HIVEP3: variants seen among roughly 807,000 people sequenced by gnomAD.
The protein encoded by HIVEP3 is transcription factor HIVEP3.
A neutral mutation model predicts 152.8 loss-of-function variants in HIVEP3; 49 were observed. That is an observed-to-expected ratio of 0.32 (90% confidence interval 0.26 to 0.41). The LOEUF is 0.41. Among genes scored for constraint, HIVEP3 ranks in the 10% least tolerant of loss-of-function variants. The pLI is 1.00. For missense variants in HIVEP3, 2,790 were observed against 3,103.3 expected (o/e 0.90, Z 2.40); for synonymous variants, 1,269 against 1,289.0 (o/e 0.98, Z 0.33).
intron 2 of HIVEP3, among the ~76,000 whole-genome samples, chr1:41,648,540 C>T (rs1350014190): frequency 2.0e-5 from 3 of 152,232 alleles, no homozygotes; most frequent in Non-Finnish European, 2.9e-5. Context: ...AAATGCTAAA[C>T]GAAATGTGTC....
chr1:41,914,715 GCCA>G (rs1486504274), intron 1 of HIVEP3, among the ~76,000 whole-genome samples: 1 of 152,136 alleles, frequency 6.6e-6, no homozygotes, highest in East Asian at 1.9e-4. Context: ...TAAGGGTGTG[GCCA>G]TGACAGCTTG....
At chr1:41,718,774 C>A (rs1199888768) in intron 1 of HIVEP3, among the ~76,000 whole-genome samples, 2 of 148,444 alleles carry the variant, frequency 1.3e-5, no homozygotes, top group Non-Finnish European at 3.0e-5. Context: ...TCTTTCACAC[C>A]CACACACACA....
At chr1:41,732,612 C>T (rs908149683) in intron 1 of HIVEP3, among the ~76,000 whole-genome samples, 6 of 152,100 alleles carry the variant, frequency 3.9e-5, no homozygotes, top group Non-Finnish European at 7.4e-5. Flanking sequence ...GTACCCAAGC[C>T]ACTCTTACCC....
At chr1:41,608,216 G>A (rs1644848846) in intron 3 of HIVEP3, among the ~76,000 whole-genome samples, 1 of 152,228 alleles carries the variant, frequency 6.6e-6, no homozygotes, top group Non-Finnish European at 1.5e-5. Flanking sequence ...GGAGGGTGAA[G>A]CAGTGTGGCA....
At chr1:41,713,854 G>A (rs956915601) in intron 1 of HIVEP3, among the ~76,000 whole-genome samples, 2 of 152,254 alleles carry the variant, frequency 1.3e-5, no homozygotes, top group East Asian at 1.9e-4. Flanking sequence ...CAAGCCTGGG[G>A]GAGGGGCTGG....
chr1:41,506,635 T>C lies in HIVEP3; in HGVS notation c.*3816A>G, dbSNP rs1464669939. On this transcript the variant is annotated 3_prime_UTR_variant, in exon 9 of 9. Transcript: ENST00000372583. ...TTCTGTTTTGTTTTTTCTTTTGCAC[T>C]GATATATACCATACCAACATTGCAA... 6.6e-6 allele frequency: 1 copy of C among 151,742 alleles called. No homozygotes were observed. The highest frequency in any genetic ancestry group is 1.5e-5 in the Non-Finnish European group (1 of 67,952). The allele number at this position is 151,742 out of a possible 1,614,324, so 9.4% of individuals were successfully genotyped here.
At chr1:41,742,802 T>C (rs1647015805) in intron 1 of HIVEP3, among the ~76,000 whole-genome samples, 1 of 152,184 alleles carries the variant, frequency 6.6e-6, no homozygotes, top group Non-Finnish European at 1.5e-5. Context: ...ATCACTCCCC[T>C]CACTGTCTAG....
At chr1:41,550,586 T>G (rs946140386) in intron 5 of HIVEP3, among the ~76,000 whole-genome samples, 1 of 152,226 alleles carries the variant, frequency 6.6e-6, no homozygotes, top group African/African-American at 2.4e-5. Context: ...GAAGAGGTCC[T>G]TCACATCCCT....
chr1:41,594,245 TG>T (rs1293704818), intron 3 of HIVEP3, among the ~76,000 whole-genome samples: 3 of 152,202 alleles, frequency 2.0e-5, no homozygotes, highest in Non-Finnish European at 4.4e-5. Flanking sequence ...TTTTTTGAAA[TG>T]GAGTCTCGCT....
chr1:41,874,200 C>A (rs1644128998), intron 1 of HIVEP3, among the ~76,000 whole-genome samples: 1 of 152,198 alleles, frequency 6.6e-6, no homozygotes, highest in Non-Finnish European at 1.5e-5. Context: ...ACAGAAGTGC[C>A]TATTTGCATT....
intron 1 of HIVEP3, among the ~76,000 whole-genome samples, chr1:41,761,986 C>T (rs913945151): frequency 6.6e-6 from 1 of 152,184 alleles, no homozygotes; most frequent in South Asian, 2.1e-4. Context: ...TTCCATTTGG[C>T]GTGCTTTCCT....
At chr1:41,845,910 T>C (rs1005796579) in intron 1 of HIVEP3, among the ~76,000 whole-genome samples, 23 of 151,780 alleles carry the variant, frequency 1.5e-4, no homozygotes, top group African/African-American at 5.6e-4. Flanking sequence ...CTATGAAAAA[T>C]ACAAAAATTA....
Position 41,510,721 on chromosome 1 carries a change from C to A in HIVEP3, c.6951G>T (p.Arg2317=). 1 of 1,538,174 alleles carries A rather than the reference C, an allele frequency of 6.5e-7. No homozygotes were observed. ...SPCTPPDTLP[R]PPQGRRAAQS... is the part of the protein sequence containing the mutation. Reference sequence around the variant, plus strand: ...GCGCTGCCCGGCGTCCCTGGGGCGGCCGGGGCAAGGTGTCGGGTGGGGTGC... The same window carrying A: ...GCGCTGCCCGGCGTCCCTGGGGCGGACGGGGCAAGGTGTCGGGTGGGGTGC... The change falls in exon 9 of 9, where the codon CGG becomes CGT. Residue 2317 remains arginine, a synonymous_variant. Coordinates refer to ENST00000372583, the MANE Select transcript of HIVEP3 (RefSeq NM_024503.5).
chr1:41,853,160 T>C (rs1194076272), intron 1 of HIVEP3, among the ~76,000 whole-genome samples: 1 of 152,206 alleles, frequency 6.6e-6, no homozygotes, highest in Non-Finnish European at 1.5e-5. Flanking sequence ...TTTATTGGGT[T>C]GTCTGGATCA....
chr1:41,888,202 ATTTTTTTTTT>A (rs61561436), intron 1 of HIVEP3, among the ~76,000 whole-genome samples: 18 of 99,202 alleles, frequency 1.8e-4, no homozygotes, highest in African/African-American at 3.3e-4. Context: ...CGCCCGGCTA[ATTTTTTTTTT>A]TTTTTTTTTT....
At chr1:41,812,440 CA>C (rs970300178) in intron 1 of HIVEP3, among the ~76,000 whole-genome samples, 3 of 151,970 alleles carry the variant, frequency 2.0e-5, no homozygotes, top group African/African-American at 7.3e-5. Flanking sequence ...GTCTTAAAAA[CA>C]AAACAAAACA....
intron 1 of HIVEP3, among the ~76,000 whole-genome samples, chr1:41,763,079 G>A (rs1310879748): frequency 6.6e-6 from 1 of 152,206 alleles, no homozygotes; most frequent in African/African-American, 2.4e-5. Context: ...ACACATCAGA[G>A]TGTCATGGTC....
chr1:41,528,212 C>T (rs1643073469), intron 5 of HIVEP3, among the ~76,000 whole-genome samples: 1 of 139,478 alleles, frequency 7.2e-6, no homozygotes. Flanking sequence ...TGCCCTCACA[C>T]CTTCACACTC....
intron 1 of HIVEP3, among the ~76,000 whole-genome samples, chr1:41,970,561 C>A (rs1645223216): frequency 6.6e-6 from 1 of 152,094 alleles, no homozygotes; most frequent in East Asian, 1.9e-4. Context: ...GAAATGAGAG[C>A]ATCAGGAAAA....
Sources: gnomAD v4.1 joint callset for allele counts (sites outside exome capture counted in the v4.1 genomes callset) on GRCh38, gnomAD v4.1.1 for gene constraint, MANE v1.5 for transcripts, NCBI Gene and HGNC (gene_info 2026-07-23, HGNC 2026-07-21) for gene names.